Variants in RORA observed in about 807,000 individuals in gnomAD.
RORA encodes nuclear receptor ROR-alpha.
In RORA, 7 loss-of-function variants were observed where a neutral mutation model predicts 69.5. The ratio of observed to expected loss-of-function variants is 0.10; its 90% CI spans 0.06 to 0.19. The LOEUF (loss-of-function observed/expected upper bound fraction) is 0.19. Ranked by LOEUF, RORA falls within the 10% of genes least tolerant of loss-of-function variation. The probability of loss-of-function intolerance (pLI) is 1.00; values close to 1 mark genes in which losing one functional copy is unlikely to be tolerated. For synonymous variants in RORA, 261 were observed against 240.8 expected (o/e 1.08, Z -0.78); for missense variants, 457 against 663.0 (o/e 0.69, Z 3.41).
At chr15:60,865,706 C>T (rs1162417125) in intron 1 of RORA, among the ~76,000 whole-genome samples, 3 of 152,156 alleles carry the variant, frequency 2.0e-5, no homozygotes, top group African/African-American at 7.2e-5. Flanking sequence ...AGTACGAAGG[C>T]CAACCCTTCC....
chr15:60,676,394 T>C (rs1050829423), intron 2 of RORA, among the ~76,000 whole-genome samples: 21 of 152,230 alleles, frequency 1.4e-4, no homozygotes, highest in African/African-American at 4.8e-4. Context: ...TGTAAAGTTT[T>C]GTGTCAACTG....
At chr15:61,104,299 G>A (rs1261548451) in intron 1 of RORA, among the ~76,000 whole-genome samples, 3 of 152,178 alleles carry the variant, frequency 2.0e-5, no homozygotes, top group Non-Finnish European at 4.4e-5. Flanking sequence ...ATTAAAATTA[G>A]CCCCTCAGCC....
Position 60,825,803 on chromosome 15 carries a change from G to A in RORA, c.167-147117C>T, listed in dbSNP as rs76578864. ...TTTGAATCTAAGATTGTCTTTAGTA[G>A]GTATAGTTTAGATGTACCTTGTCTG... On this transcript the variant is annotated intron_variant, in intron 1 of 10. Coordinates refer to ENST00000335670, the MANE Select transcript of RORA (RefSeq NM_134261.3). Among the ~76,000 whole-genome samples, 1,035 of 152,272 alleles carry A rather than the reference G, an allele frequency of 6.8e-3. 5 individuals carry two copies. The highest frequency in any genetic ancestry group is 0.021 in the South Asian group (103 of 4,820).
chr15:61,117,310 C>T (rs1046843848), intron 1 of RORA, among the ~76,000 whole-genome samples: 2 of 151,602 alleles, frequency 1.3e-5, no homozygotes, highest in Non-Finnish European at 2.9e-5. Flanking sequence ...TTCAAAGATT[C>T]TGTTCTTATA....
intron 1 of RORA, among the ~76,000 whole-genome samples, chr15:60,696,227 T>C (rs1313417752): frequency 6.6e-6 from 1 of 152,202 alleles, no homozygotes; most frequent in Non-Finnish European, 1.5e-5. Flanking sequence ...ATGGGAACAA[T>C]TCATTTAACC....
intron 1 of RORA, among the ~76,000 whole-genome samples, chr15:60,842,609 A>G (rs1341114413): frequency 6.6e-6 from 1 of 152,150 alleles, no homozygotes; most frequent in Non-Finnish European, 1.5e-5. Context: ...ATTGGACTGC[A>G]GATCTTATGA....
chr15:60,782,577 C>T (rs2072279559), intron 1 of RORA, among the ~76,000 whole-genome samples: 1 of 152,220 alleles, frequency 6.6e-6, no homozygotes, highest in Non-Finnish European at 1.5e-5. Flanking sequence ...TATGAAGTCA[C>T]TCCATATCAC....
chr15:61,104,396 C>CA (rs1480500265), intron 1 of RORA, among the ~76,000 whole-genome samples: 4 of 152,156 alleles, frequency 2.6e-5, no homozygotes, highest in African/African-American at 9.7e-5. Context: ...CAACAGCTTG[C>CA]AAACACAACA....
intron 1 of RORA, among the ~76,000 whole-genome samples, chr15:61,040,163 T>TATAA (rs1491503044): frequency 6.4e-5 from 7 of 108,964 alleles, no homozygotes; most frequent in South Asian, 2.9e-4. Flanking sequence ...TATATATATA[T>TATAA]AAAATATATG....
chr15:60,544,647 G>T (rs1226153316), intron 2 of RORA, among the ~76,000 whole-genome samples: 1 of 152,080 alleles, frequency 6.6e-6, no homozygotes, highest in African/African-American at 2.4e-5. Context: ...AAGTAAACAA[G>T]TTAATTGAAC....
At chr15:60,658,054 G>T (rs7165534) in intron 2 of RORA, among the ~76,000 whole-genome samples, 2,580 of 152,098 alleles carry the variant, frequency 0.017, 87 homozygotes, top group African/African-American at 0.059. Flanking sequence ...GGAGTGGCGG[G>T]TGGAAGGAGA....
chr15:60,673,858 C>A (rs1402612906), intron 2 of RORA, among the ~76,000 whole-genome samples: 1 of 152,200 alleles, frequency 6.6e-6, no homozygotes, highest in Non-Finnish European at 1.5e-5. Context: ...CCTTAATTAG[C>A]CCTTAAGAGG....
At chr15:61,090,190 G>A (rs2078684909) in intron 1 of RORA, among the ~76,000 whole-genome samples, 1 of 152,176 alleles carries the variant, frequency 6.6e-6, no homozygotes, top group South Asian at 2.1e-4. Context: ...GGGTTCTGAG[G>A]ATCAACCATT....
At chr15:61,022,604 C>T (rs4774382) in intron 1 of RORA, among the ~76,000 whole-genome samples, 79,046 of 151,882 alleles carry the variant, frequency 0.52, 24,254 homozygotes, top group Non-Finnish European at 0.7. Flanking sequence ...TTCAGAGCCC[C>T]GCCGTGATAA....
intron 2 of RORA, among the ~76,000 whole-genome samples, chr15:60,661,477 G>A (rs538478169): frequency 6.6e-6 from 1 of 152,318 alleles, no homozygotes; most frequent in Admixed American, 6.5e-5. Flanking sequence ...GGCAGTTTCA[G>A]AATTCCTTTC....
intron 3 of RORA, among the ~76,000 whole-genome samples, chr15:60,516,895 A>G (rs2065978284): frequency 6.6e-6 from 1 of 152,202 alleles, no homozygotes; most frequent in Non-Finnish European, 1.5e-5. Context: ...ATGGTATTTC[A>G]GAAATATAAT....
At chr15:60,861,429 G>A (rs575092047) in intron 1 of RORA, among the ~76,000 whole-genome samples, 1 of 152,222 alleles carries the variant, frequency 6.6e-6, no homozygotes, top group East Asian at 1.9e-4. Context: ...GTAGCTGGTG[G>A]CTCACCAGTG....
At chr15:61,206,617 A>T (rs974358936) in intron 1 of RORA, among the ~76,000 whole-genome samples, 2 of 152,082 alleles carry the variant, frequency 1.3e-5, no homozygotes, top group African/African-American at 4.8e-5. Flanking sequence ...AAGATATGGC[A>T]TTTTTTTCCT....
At chr15:60,665,247 G>T (rs914668657) in intron 2 of RORA, among the ~76,000 whole-genome samples, 1 of 152,180 alleles carries the variant, frequency 6.6e-6, no homozygotes, top group African/African-American at 2.4e-5. Flanking sequence ...TATTTCCCTT[G>T]ATAGGATACA....
Sources: allele counts gnomAD v4.1 joint callset (sites outside exome capture counted in the v4.1 genomes callset), GRCh38; gene constraint gnomAD v4.1.1; transcripts MANE v1.5; gene names NCBI Gene and HGNC (gene_info 2026-07-23, HGNC 2026-07-21).